The following KATNIP variants were observed in gnomAD, a reference collection of about 807,000 sequenced individuals.
KATNIP encodes katanin-interacting protein.
KATNIP carries 126 observed loss-of-function variants against 174.0 expected under a neutral mutation model. That is an observed-to-expected ratio of 0.72 (90% CI 0.63 to 0.84). The LOEUF is 0.84. KATNIP is among the 40% of genes least tolerant of loss of function. The pLI is 0.00. For missense variants in KATNIP, 1,958 were observed against 2,109.7 expected (o/e 0.93, Z 1.41); for synonymous variants, 810 against 835.7 (o/e 0.97, Z 0.53).
chr16:27,591,689 G>C (rs915962194), intron 2 of KATNIP, among the ~76,000 whole-genome samples: 1 of 152,144 alleles, frequency 6.6e-6, no homozygotes, highest in Non-Finnish European at 1.5e-5. Flanking sequence ...TGTATTAGTT[G>C]CTAAAATATG....
intron 8 of KATNIP, among the ~76,000 whole-genome samples, chr16:27,690,001 C>G (rs752473146): frequency 6.6e-6 from 1 of 152,022 alleles, no homozygotes; most frequent in Non-Finnish European, 1.5e-5. Context: ...TCCTGTTAGC[C>G]AAAGAAAGTC....
intron 14 of KATNIP, among the ~76,000 whole-genome samples, chr16:27,728,359 C>G (rs1204968973): frequency 6.6e-6 from 1 of 152,204 alleles, no homozygotes; most frequent in African/African-American, 2.4e-5. Flanking sequence ...ATGAGAGTTC[C>G]AAGAGGGTCA....
intron 19 of KATNIP, among the ~76,000 whole-genome samples, chr16:27,764,948 T>C (rs2082071168): frequency 6.6e-6 from 1 of 152,176 alleles, no homozygotes; most frequent in African/African-American, 2.4e-5. Context: ...AAAGAAACAT[T>C]GCCTCCTTGG....
intron 6 of KATNIP, among the ~76,000 whole-genome samples, chr16:27,650,593 C>G (rs1391592878): frequency 1.3e-5 from 2 of 152,156 alleles, no homozygotes; most frequent in East Asian, 3.8e-4. Context: ...CTACGTATCG[C>G]TTTTATGAAG....
At chr16:27,775,445 C>T (rs2082462263) in intron 24 of KATNIP, among the ~76,000 whole-genome samples, 1 of 152,368 alleles carries the variant, frequency 6.6e-6, no homozygotes, top group East Asian at 1.9e-4. Flanking sequence ...TCTTCCTCCC[C>T]ACCCAGCTCT....
At chr16:27,652,711 G>C (rs2077155575) in intron 6 of KATNIP, among the ~76,000 whole-genome samples, 1 of 151,804 alleles carries the variant, frequency 6.6e-6, no homozygotes, top group Admixed American at 6.6e-5. Context: ...TACTCAGGAG[G>C]CCGAGGCAGG....
At chr16:27,762,013 T>C (rs756127620) in intron 19 of KATNIP, among the ~76,000 whole-genome samples, 2 of 152,168 alleles carry the variant, frequency 1.3e-5, no homozygotes, top group Non-Finnish European at 2.9e-5. Context: ...AGGTGATGGC[T>C]CAGGAAGCCT....
rs2090396953 is a variant in KATNIP at position 27,573,949 on chromosome 16, A to T, written c.56A>T (p.Lys19Ile). The T allele has an allele frequency of 6.2e-7, 1 of 1,614,116 alleles. No individual in the cohort carries two copies. Among genetic ancestry groups the T allele is most frequent in the Non-Finnish European group, 8.5e-7 (1 of 1,179,998 alleles). The change falls in exon 2 of 28, where the codon AAA (lysine) becomes ATA (isoleucine). Residue 19 changes from lysine (K) to isoleucine (I), a missense_variant. By Grantham distance (102) the Lys-to-Ile change is moderately radical (BLOSUM62 -3). Transcript: ENST00000261588. The part of the protein sequence containing the change: ...AERSWSCSRE[K>I]KEGYAKDMVT... ...AGAAGCTGGTCCTGCTCACGAGAGAAAAAGGAGGTAAATGTGTCCCTGGCG... is the reference window on the plus strand; with the variant it reads ...AGAAGCTGGTCCTGCTCACGAGAGATAAAGGAGGTAAATGTGTCCCTGGCG...
intron 2 of KATNIP, among the ~76,000 whole-genome samples, chr16:27,584,254 A>G (rs1448289986): frequency 1.3e-5 from 2 of 151,882 alleles, no homozygotes; most frequent in Non-Finnish European, 2.9e-5. Flanking sequence ...AGCGCTCTCC[A>G]AGGCTAACTC....
intron 6 of KATNIP, among the ~76,000 whole-genome samples, chr16:27,650,793 A>G (rs2077098897): frequency 6.6e-6 from 1 of 152,242 alleles, no homozygotes. Context: ...AACAGAATAT[A>G]AAAGTCGTTT....
intron 6 of KATNIP, chr16:27,654,675 A>G (rs1567258791): frequency 1.5e-6 from 2 of 1,351,886 alleles, no homozygotes; most frequent in Non-Finnish European, 2.0e-6. Flanking sequence ...GCATGTGGAC[A>G]TTCTGACCCT....
At chr16:27,723,421 C>G (rs918664492) in intron 14 of KATNIP, among the ~76,000 whole-genome samples, 2 of 151,784 alleles carry the variant, frequency 1.3e-5, no homozygotes. Context: ...CCCATCTCTG[C>G]CTGATATTCC....
At chr16:27,695,342 CA>C (rs904887351) in intron 8 of KATNIP, among the ~76,000 whole-genome samples, 2 of 152,248 alleles carry the variant, frequency 1.3e-5, no homozygotes, top group African/African-American at 2.4e-5. Flanking sequence ...TGCGCTCCCC[CA>C]ATCCCTTTCA....
intron 2 of KATNIP, among the ~76,000 whole-genome samples, chr16:27,610,740 A>G (rs2075867520): frequency 6.6e-6 from 1 of 152,172 alleles, no homozygotes; most frequent in South Asian, 2.1e-4. Context: ...ATGCCCCCAA[A>G]TCACTAAACT....
At chr16:27,572,997 G>C (rs1253983855) in intron 1 of KATNIP, among the ~76,000 whole-genome samples, 1 of 152,198 alleles carries the variant, frequency 6.6e-6, no homozygotes, top group Non-Finnish European at 1.5e-5. Context: ...CTCACGTGCA[G>C]ACTTGCTAGA....
At chr16:27,639,077 TAAGAAAGCACATTTGGG>T in intron 5 of KATNIP, among the ~76,000 whole-genome samples, 1 of 152,090 alleles carries the variant, frequency 6.6e-6, no homozygotes, top group Non-Finnish European at 1.5e-5. Flanking sequence ...CACCCAACAA[TAAGAAAGCACATTTGGG>T]TAGAGCTGCC....
At chr16:27,550,318 G>A in intron 1 of KATNIP, 141 bp downstream of exon 1, 1 of 938,084 alleles carries the variant, frequency 1.1e-6, no homozygotes, top group Non-Finnish European at 1.6e-6. Context: ...GAGGGATAGG[G>A]AGGCTTAGTG....
At chr16:27,610,977 G>A (rs2075873208) in intron 2 of KATNIP, among the ~76,000 whole-genome samples, 1 of 152,104 alleles carries the variant, frequency 6.6e-6, no homozygotes, top group African/African-American at 2.4e-5. Context: ...CCCGCCTTTT[G>A]AGGACCGAAC....
At chr16:27,605,768 A>G (rs1438235840) in intron 2 of KATNIP, among the ~76,000 whole-genome samples, 1 of 152,122 alleles carries the variant, frequency 6.6e-6, no homozygotes, top group Non-Finnish European at 1.5e-5. Context: ...TGATGGGTGC[A>G]TTGACTGCAG....
Sources: gnomAD v4.1 joint callset for allele counts (sites outside exome capture counted in the v4.1 genomes callset) on GRCh38, gnomAD v4.1.1 for gene constraint, MANE v1.5 for transcripts, NCBI Gene and HGNC (gene_info 2026-07-23, HGNC 2026-07-21) for gene names.